Variants in RGS3 observed in about 807,000 individuals in gnomAD.
RGS3 encodes regulator of G-protein signalling 3.
Under a neutral mutation model 132.6 loss-of-function variants are expected in RGS3, and 80 were observed. The observed-to-expected ratio is 0.60, with a 90% CI of 0.50 to 0.73. The LOEUF is 0.73. Among genes scored for constraint, RGS3 ranks in the 30% least tolerant of loss-of-function variants. The pLI is 0.00. For synonymous variants in RGS3, 598 were observed against 620.6 expected (o/e 0.96, Z 0.54); for missense variants, 1,382 against 1,530.8 (o/e 0.90, Z 1.62).
intron 3 of RGS3, among the ~76,000 whole-genome samples, chr9:113,472,831 GA>G (rs1478640798): frequency 6.6e-6 from 1 of 152,132 alleles, no homozygotes; most frequent in Non-Finnish European, 1.5e-5. Flanking sequence ...CTAAGGTCAG[GA>G]GTTCGAGAGC....
At chr9:113,590,884 T>C (rs1835386151) in intron 20 of RGS3, among the ~76,000 whole-genome samples, 1 of 152,244 alleles carries the variant, frequency 6.6e-6, no homozygotes, top group South Asian at 2.1e-4. Flanking sequence ...ATTTATTTTA[T>C]ACACTGCTGA....
intron 16 of RGS3, among the ~76,000 whole-genome samples, chr9:113,521,360 G>A (rs1564521962): frequency 6.6e-6 from 1 of 152,122 alleles, no homozygotes; most frequent in African/African-American, 2.4e-5. Flanking sequence ...AATTACAAAA[G>A]TAACAGTGAT....
exon 20 of RGS3, chr9:113,584,264 C>A: frequency 1.9e-6 from 3 of 1,612,414 alleles, no homozygotes; most frequent in Non-Finnish European, 2.5e-6. Context: ...CTGCAGGAGC[C>A]CCGAGGGCCC....
At chr9:113,594,364 C>A (rs200416719) in intron 21 of RGS3, 66 bp from the exon 20 acceptor site, 1 of 1,599,976 alleles carries the variant, frequency 6.3e-7, no homozygotes, top group Non-Finnish European at 8.5e-7. Context: ...CCAGCTCTCC[C>A]GACTCTGGAT....
At chr9:113,480,140 A>G (rs1830113358) in intron 4 of RGS3, among the ~76,000 whole-genome samples, 1 of 152,174 alleles carries the variant, frequency 6.6e-6, no homozygotes, top group South Asian at 2.1e-4. Context: ...CTTGTAGTCA[A>G]TCCTGTGTAA....
chr9:113,497,221 G>A (rs1393819333), intron 8 of RGS3, 93 bp from the exon 7 acceptor site: 14 of 942,786 alleles, frequency 1.5e-5, no homozygotes, highest in Non-Finnish European at 2.0e-5. Context: ...GTGGGTGGGT[G>A]TCCAGTGGCT....
At chr9:113,588,178 C>A (rs931636207) in intron 20 of RGS3, among the ~76,000 whole-genome samples, 1 of 152,194 alleles carries the variant, frequency 6.6e-6, no homozygotes, top group African/African-American at 2.4e-5. Context: ...AGGGTGCCAG[C>A]CCTGTTTCAC....
At position 113,591,311 on chromosome 9, in the gene RGS3, C is replaced by T. The variant is rs367891300; in HGVS notation, c.3016-22C>T. On this transcript the variant is annotated intron_variant, in intron 20 of 24. Coordinates refer to ENST00000350696, the Ensembl canonical transcript of RGS3. The surrounding 1 kb of genome is among the most constrained non-coding windows in gnomAD (Gnocchi z 4.4). ...GAGTTCCTGGGTGCCCAGACTGCAT[C>T]GTGTCTGTCTTCTCTCCGCAGATGA... The T allele has an allele frequency of 2.1e-4, 332 of 1,610,400 alleles. No individual in the cohort carries two copies. Among genetic ancestry groups the T allele is most frequent in the Middle Eastern group, 3.3e-4 (2 of 6,074 alleles).
At chr9:113,500,244 C>G (rs1435907298) in intron 10 of RGS3, among the ~76,000 whole-genome samples, 1 of 152,180 alleles carries the variant, frequency 6.6e-6, no homozygotes, top group Non-Finnish European at 1.5e-5. Flanking sequence ...GGGGAGAGCC[C>G]CCAGAGGCCA....
chr9:113,527,295 T>C (rs1412782820), intron 17 of RGS3, among the ~76,000 whole-genome samples: 1 of 152,232 alleles, frequency 6.6e-6, no homozygotes, highest in South Asian at 2.1e-4. Context: ...AACCTTCTCT[T>C]TTCTTGCCGC....
At chr9:113,523,092 C>A in intron 17 of RGS3, 51 bp downstream of exon 15, 1 of 1,195,374 alleles carries the variant, frequency 8.4e-7, no homozygotes, top group Non-Finnish European at 1.2e-6. Flanking sequence ...GCCCCAGTCC[C>A]ACTGCTCTGG....
intron 19 of RGS3, among the ~76,000 whole-genome samples, chr9:113,564,068 G>T (rs971487601): frequency 1.3e-5 from 2 of 152,188 alleles, no homozygotes; most frequent in Admixed American, 1.3e-4. Context: ...GACAGCCCAG[G>T]GTGCATTTGT....
At chr9:113,485,762 A>G (rs988417820) in intron 7 of RGS3, 69 bp downstream of exon 5, 2 of 1,172,188 alleles carry the variant, frequency 1.7e-6, no homozygotes, top group East Asian at 2.5e-5. Flanking sequence ...GGTGGCCAGC[A>G]TACACCAGGG....
intron 19 of RGS3, among the ~76,000 whole-genome samples, chr9:113,580,207 G>A (rs1223059967): frequency 6.6e-6 from 1 of 152,180 alleles, no homozygotes; most frequent in African/African-American, 2.4e-5. Context: ...ACCCAGGTGC[G>A]GGGCCTCAGG....
intron 14 of RGS3, among the ~76,000 whole-genome samples, chr9:113,509,385 T>A (rs1437756795): frequency 6.6e-6 from 1 of 151,994 alleles, no homozygotes; most frequent in Non-Finnish European, 1.5e-5. Flanking sequence ...GGGGATCCCA[T>A]GAGAGAATGG....
intron 6 of RGS3, 55 bp from the exon 5 acceptor site, chr9:113,485,570 T>C: frequency 1.4e-6 from 2 of 1,414,896 alleles, no homozygotes; most frequent in East Asian, 2.4e-5. Context: ...ATGAGTCAGC[T>C]ATGGCCTGGA....
upstream of RGS3, among the ~76,000 whole-genome samples, chr9:113,456,515 C>T (rs1398690376): frequency 6.6e-6 from 1 of 152,230 alleles, no homozygotes; most frequent in African/African-American, 2.4e-5. Context: ...TTGATTCTAT[C>T]TCTTTCCATC....
intron 1 of RGS3, among the ~76,000 whole-genome samples, chr9:113,452,017 G>T (rs911320327): frequency 6.6e-6 from 1 of 151,978 alleles, no homozygotes; most frequent in African/African-American, 2.4e-5. Flanking sequence ...TTTTTCTTAA[G>T]AGTCAGGGGG....
rs969149107 is a variant in RGS3 at position 113,489,289 on chromosome 9, A to G, written c.689+3596A>G. Among the ~76,000 whole-genome samples the G allele has an allele frequency of 5.3e-5, 8 of 152,290 alleles. No individual in the cohort carries two copies. The East Asian group carries it at 1.5e-3, about 29-fold the overall frequency. On this transcript the variant is annotated intron_variant, in intron 7 of 24. Transcript: ENST00000350696. ...GGTATTATTATTTTTGCTCTTTTAT[A>G]GGTGAGGAAACAGGCACAGAGGCGT...
Sources: gnomAD v4.1 joint callset for allele counts (sites outside exome capture counted in the v4.1 genomes callset) on GRCh38, gnomAD v4.1.1 for gene constraint, Gnocchi (gnomAD v3.1) non-coding constraint, MANE v1.5 for transcripts, NCBI Gene and HGNC (gene_info 2026-07-23, HGNC 2026-07-21) for gene names.